The following LDLRAD4 variants were observed in gnomAD, a reference collection of about 807,000 sequenced individuals.
LDLRAD4 encodes low density lipoprotein receptor class A domain containing 4.
LDLRAD4 carries 5 observed loss-of-function variants against 17.0 expected under a neutral mutation model. The ratio of observed to expected loss-of-function variants is 0.29; its 90% confidence interval spans 0.15 to 0.62. The LOEUF (loss-of-function observed/expected upper bound fraction) is 0.62, where lower values mean the gene tolerates loss of function less well. LDLRAD4 is among the 20% of genes least tolerant of loss of function. The pLI is 0.84. For missense variants in LDLRAD4, 340 were observed against 424.7 expected (o/e 0.80, Z 1.75); for synonymous variants, 168 against 171.8 (o/e 0.98, Z 0.17).
At chr18:13,353,778 A>G (rs10163888) in intron 1 of LDLRAD4, among the ~76,000 whole-genome samples, 2,046 of 152,364 alleles carry the variant, frequency 0.013, 30 homozygotes, top group Middle Eastern at 0.034. Flanking sequence ...GAAGTAGGGG[A>G]AAAAAGAGTG....
intron 1 of LDLRAD4, among the ~76,000 whole-genome samples, chr18:13,227,883 C>A (rs559341806): frequency 1.4e-4 from 22 of 152,324 alleles, no homozygotes; most frequent in African/African-American, 4.8e-4. Context: ...ATTTGGATTA[C>A]AATTCAAGGT....
chr18:13,462,077 CT>C (rs1272349364), intron 3 of LDLRAD4: 1 of 152,202 alleles, frequency 6.6e-6, no homozygotes, highest in African/African-American at 2.4e-5. Flanking sequence ...GGGGTCACTG[CT>C]TGCCTGGGTG....
intron 3 of LDLRAD4, among the ~76,000 whole-genome samples, chr18:13,600,242 T>C (rs2095145776): frequency 6.6e-6 from 1 of 152,232 alleles, no homozygotes. Context: ...AATGAATTAA[T>C]TGAAGTCCAG....
chr18:13,425,630 T>A (rs1441426361), intron 2 of LDLRAD4, among the ~76,000 whole-genome samples: 1 of 152,224 alleles, frequency 6.6e-6, no homozygotes, highest in Non-Finnish European at 1.5e-5. Context: ...TCTTTAATGA[T>A]GACAGAATGG....
intron 2 of LDLRAD4, among the ~76,000 whole-genome samples, chr18:13,433,849 C>T (rs7234210): frequency 6.6e-6 from 1 of 151,934 alleles, no homozygotes; most frequent in Non-Finnish European, 1.5e-5. Context: ...TTTCCTTTCT[C>T]CTCTCGCACA....
At chr18:13,637,088 G>A (rs983251700) in intron 4 of LDLRAD4, among the ~76,000 whole-genome samples, 7 of 152,086 alleles carry the variant, frequency 4.6e-5, no homozygotes, top group Non-Finnish European at 8.8e-5. Flanking sequence ...ATGAGCCACC[G>A]TGCCTGGCCT....
intron 1 of LDLRAD4, among the ~76,000 whole-genome samples, chr18:13,251,892 T>C (rs1164158344): frequency 6.6e-6 from 1 of 152,200 alleles, no homozygotes; most frequent in Non-Finnish European, 1.5e-5. Context: ...TTGTGGCCCA[T>C]TATTGAGGAG....
At chr18:13,604,914 A>C (rs2095205761) in intron 3 of LDLRAD4, among the ~76,000 whole-genome samples, 1 of 152,122 alleles carries the variant, frequency 6.6e-6, no homozygotes. Context: ...CAGGCAGGAC[A>C]CATGTGGCAG....
chr18:13,232,224 T>TG (rs2042114529), intron 1 of LDLRAD4, among the ~76,000 whole-genome samples: 1 of 152,194 alleles, frequency 6.6e-6, no homozygotes, highest in African/African-American at 2.4e-5. Flanking sequence ...GGCGCTCTTG[T>TG]GGGACTTAGG....
chr18:13,374,409 A>C (rs1456704948), intron 1 of LDLRAD4, among the ~76,000 whole-genome samples: 2 of 152,240 alleles, frequency 1.3e-5, no homozygotes, highest in Non-Finnish European at 2.9e-5. Context: ...AAGAACCTGG[A>C]GTCTAGAATC....
chr18:13,619,875 A>T (rs1046818992), intron 3 of LDLRAD4, among the ~76,000 whole-genome samples: 1 of 151,992 alleles, frequency 6.6e-6, no homozygotes, highest in Non-Finnish European at 1.5e-5. Context: ...CAGCTCAGCC[A>T]CCAGCCTCCT....
intron 3 of LDLRAD4, among the ~76,000 whole-genome samples, chr18:13,553,721 C>T (rs934448768): frequency 5.3e-5 from 8 of 152,184 alleles, no homozygotes; most frequent in Non-Finnish European, 8.8e-5. Context: ...CTGATAACCG[C>T]GTCTGTCCTT....
intron 4 of LDLRAD4, chr18:13,641,680 G>T: frequency 2.3e-6 from 2 of 884,036 alleles, no homozygotes; most frequent in Non-Finnish European, 2.7e-6. Flanking sequence ...CGCCTCTGGC[G>T]GTTTCCTGTC....
At chr18:13,425,293 A>G (rs981448236) in intron 2 of LDLRAD4, among the ~76,000 whole-genome samples, 1 of 152,198 alleles carries the variant, frequency 6.6e-6, no homozygotes, top group African/African-American at 2.4e-5. Context: ...ATCAATAGGT[A>G]GCTTTGTTAT....
intron 2 of LDLRAD4, among the ~76,000 whole-genome samples, chr18:13,390,054 A>G (rs573438622): frequency 9.9e-5 from 15 of 152,256 alleles, no homozygotes; most frequent in Admixed American, 9.2e-4. Flanking sequence ...GTTTTGATAC[A>G]TGTATGTGTT....
At chr18:13,245,775 C>G (rs966036947) in intron 1 of LDLRAD4, among the ~76,000 whole-genome samples, 1 of 152,232 alleles carries the variant, frequency 6.6e-6, no homozygotes, top group African/African-American at 2.4e-5. Context: ...GGGCAGGGCC[C>G]TTGCAGCTCT....
chr18:13,567,008 CA>C (rs1333419384), intron 3 of LDLRAD4, among the ~76,000 whole-genome samples: 2 of 152,190 alleles, frequency 1.3e-5, no homozygotes, highest in Non-Finnish European at 2.9e-5. Context: ...TGGAGTCACA[CA>C]GCGTGTGTGA....
At chr18:13,497,217 T>A (rs576878444) in intron 3 of LDLRAD4, among the ~76,000 whole-genome samples, 7 of 152,202 alleles carry the variant, frequency 4.6e-5, no homozygotes, top group Non-Finnish European at 7.4e-5. Flanking sequence ...GGTCTCACTC[T>A]CTCACCCAGG....
chr18:13,528,773 C>T (rs142920459), intron 3 of LDLRAD4, among the ~76,000 whole-genome samples: 126 of 152,340 alleles, frequency 8.3e-4, no homozygotes, highest in African/African-American at 2.9e-3. Flanking sequence ...CCGTGGTTCC[C>T]ATTGCACACC....
Sources: gnomAD v4.1 joint callset for allele counts (sites outside exome capture counted in the v4.1 genomes callset) on GRCh38, gnomAD v4.1.1 for gene constraint, MANE v1.5 for transcripts, NCBI Gene and HGNC (gene_info 2026-07-23, HGNC 2026-07-21) for gene names.